GPRC5A: variants seen among roughly 807,000 people sequenced by gnomAD.
GPRC5A encodes the protein G protein-coupled receptor class C group 5 member A.
Under a neutral mutation model 22.5 loss-of-function variants are expected in GPRC5A, and 19 were observed. The ratio of observed to expected loss-of-function variants is 0.85; its 90% CI spans 0.59 to 1.24. The LOEUF (loss-of-function observed/expected upper bound fraction) is 1.24, where lower values mean the gene tolerates loss of function less well. Among genes scored for constraint, GPRC5A ranks in the 50% most tolerant of loss-of-function variants. GPRC5A has a pLI of 0.00. For synonymous variants in GPRC5A, 192 were observed against 184.5 expected, an observed-to-expected ratio of 1.04 and a Z score of -0.33; for missense variants, 471 against 451.1, an observed-to-expected ratio of 1.04 and a Z score of -0.40.
intron 2 of GPRC5A, among the ~76,000 whole-genome samples, chr12:12,911,720 C>A (rs1462566084): frequency 1.3e-5 from 2 of 152,102 alleles, no homozygotes; most frequent in Non-Finnish European, 2.9e-5. Context: ...GATCTCCTGA[C>A]CTTGTGATCT....
rs146929355 is a variant in GPRC5A at position 12,912,111 on chromosome 12, A to G, written c.950A>G (p.Tyr317Cys). Residue 317 changes from tyrosine to cysteine, a missense_variant, in exon 3 of 4, where the codon TAT becomes TGT. Coordinates refer to ENST00000014914, the MANE Select transcript of GPRC5A (RefSeq NM_003979.4). Reference sequence around the variant, plus strand: ...TTTGAAGAGACAGGGGACACGCTCTATGCCCCCTATTCCACACATTTTCAG... The same window carrying G: ...TTTGAAGAGACAGGGGACACGCTCTGTGCCCCCTATTCCACACATTTTCAG... ...QGFEETGDTL[Y>C]APYSTHFQLQ... is the part of the protein sequence containing the mutation. 3.8e-5 allele frequency: 62 copies of G among 1,613,002 alleles called. No individual in the cohort carries two copies. Among genetic ancestry groups the G allele is most frequent in the Non-Finnish European group, 4.6e-5 (54 of 1,179,096 alleles).
At position 12,912,654 on chromosome 12, in the gene GPRC5A, C is replaced by G. The variant is rs536257899; in HGVS notation, c.*115C>G. On this transcript the variant is annotated 3_prime_UTR_variant, in exon 4 of 4. Coordinates refer to ENST00000014914, the MANE Select transcript of GPRC5A (RefSeq NM_003979.4). ...AAAACTGTACAAGACACTACGGGAA[C>G]AGTTTGCCTCCCTCCCAGCCTCAAC... The G allele has an allele frequency of 4.5e-4, 310 of 681,678 alleles. 4 individuals are homozygous for G. The highest frequency in any genetic ancestry group is 3.8e-3 in the South Asian group (225 of 59,284). The allele number at this position is 681,678 out of a possible 1,614,324, so 42.2% of individuals were successfully genotyped here.
chr12:12,905,370 G>A, intron 1 of GPRC5A, among the ~76,000 whole-genome samples: 1 of 151,888 alleles, frequency 6.6e-6, no homozygotes, highest in East Asian at 1.9e-4. Context: ...TCTAACTCTG[G>A]CCTCTTTCCT....
At chr12:12,906,712 C>T (rs1565464694) in intron 1 of GPRC5A, among the ~76,000 whole-genome samples, 1 of 152,146 alleles carries the variant, frequency 6.6e-6, no homozygotes, top group Non-Finnish European at 1.5e-5. Context: ...TTATGACAGA[C>T]AAGACCCCTT....
At chr12:12,900,901 AAAAAAAAAAAAAC>A (rs1194671840) in intron 1 of GPRC5A, among the ~76,000 whole-genome samples, 4 of 132,492 alleles carry the variant, frequency 3.0e-5, no homozygotes, top group African/African-American at 1.3e-4. Flanking sequence ...CAAAAAAAAA[AAAAAAAAAAAAAC>A]AAAAAAAAAA....
chr12:12,892,789 T>G (rs575096543), intron 1 of GPRC5A, among the ~76,000 whole-genome samples: 69 of 152,336 alleles, frequency 4.5e-4, no homozygotes, highest in African/African-American at 1.6e-3. Context: ...CCTCAGAGGC[T>G]TGTGTAAACA....
At position 12,912,662 on chromosome 12, in the gene GPRC5A, C is replaced by G; in HGVS notation, c.*123C>G. ...ACAAGACACTACGGGAACAGTTTGC[C>G]TCCCTCCCAGCCTCAACCACAATTC... On this transcript the variant is annotated 3_prime_UTR_variant, in exon 4 of 4. Transcript: ENST00000014914. 1 of 660,536 alleles carries G rather than the reference C, an allele frequency of 1.5e-6. No homozygotes were observed. Among genetic ancestry groups the G allele is most frequent in the Non-Finnish European group, 2.7e-6 (1 of 368,050 alleles). The allele number at this position is 660,536 out of a possible 1,614,324, so 40.9% of individuals were successfully genotyped here.
In GPRC5A at chr12:12,908,241, A is replaced by T; in HGVS notation, c.-7-2A>T. The T allele has an allele frequency of 6.5e-7, 1 of 1,540,016 alleles. No homozygotes were observed. The highest frequency in any genetic ancestry group is 8.8e-7 in the Non-Finnish European group (1 of 1,140,080). On this transcript the variant is annotated splice_acceptor_variant, in intron 1 of 3. Transcript: ENST00000014914. LOFTEE classifies it low-confidence loss of function (5UTR_SPLICE). ...CCCCACTCCAACATTCCTTTTCTGC[A>T]GGTCCAGAATGGCTACAACAGTCCC...
At chr12:12,895,820 A>G (rs1454851934) in intron 1 of GPRC5A, among the ~76,000 whole-genome samples, 5 of 85,738 alleles carry the variant, frequency 5.8e-5, no homozygotes, top group Non-Finnish European at 1.3e-4. Context: ...TACTAAAAAT[A>G]CAAAAAAAAA....
chr12:12,893,512 A>G (rs1863786602), intron 1 of GPRC5A, among the ~76,000 whole-genome samples: 1 of 152,120 alleles, frequency 6.6e-6, no homozygotes, highest in South Asian at 2.1e-4. Context: ...TGCTTCTTTT[A>G]TTCTCATTTT....
Position 12,892,665 on chromosome 12 carries a change from C to G in GPRC5A, c.-8+1001C>G, listed in dbSNP as rs994144275. Among the ~76,000 whole-genome samples, 2 of 152,158 alleles carry G rather than the reference C, an allele frequency of 1.3e-5. 1 individual carries two copies. Among genetic ancestry groups the G allele is most frequent in the East Asian group, 3.9e-4 (2 of 5,186 alleles). ...TACAGGTGTGAGCCCCCGCGCCCGG[C>G]CACAGATAGCTTTAAACATCCATGG... On this transcript the variant is annotated intron_variant, in intron 1 of 3. Transcript: ENST00000014914.
At chr12:12,892,119 C>T (rs1863766686) in intron 1 of GPRC5A, 2 of 152,164 alleles carry the variant, frequency 1.3e-5, no homozygotes, top group African/African-American at 4.8e-5. Context: ...ACTATTTTAC[C>T]CAGATGCTGC....
intron 1 of GPRC5A, among the ~76,000 whole-genome samples, chr12:12,894,546 C>G (rs1863799621): frequency 6.6e-6 from 1 of 151,984 alleles, no homozygotes; most frequent in African/African-American, 2.4e-5. Flanking sequence ...GTAGCTGGGT[C>G]TACAGGCACC....
intron 1 of GPRC5A, among the ~76,000 whole-genome samples, chr12:12,901,526 G>A (rs770676033): frequency 1.3e-5 from 2 of 151,996 alleles, no homozygotes; most frequent in Non-Finnish European, 2.9e-5. Context: ...CACACCGAGC[G>A]CCATTCTCTT....
rs1592354623 is a variant in GPRC5A at position 12,916,726 on chromosome 12, T to C, written c.*4187T>C. 6.6e-6 allele frequency: 1 copy of C among 152,334 alleles called. No individual in the cohort carries two copies. 9.4% of individuals were successfully genotyped at this position (152,334 alleles called of 1,614,324 possible). On this transcript the variant is annotated 3_prime_UTR_variant, in exon 4 of 4. Transcript: ENST00000014914. ...TTACGGAGAGCGGTCTCATATGCTA[T>C]TGTTGTTAACGTGGACTAGTATTTA...
Position 12,909,039 on chromosome 12 carries a change from G to C in GPRC5A, c.790G>C (p.Glu264Gln), listed in dbSNP as rs768886342. ...GTTCCTGTTGGCTTATGTTAGTCCC[G>C]AGTTTTGGCTGCTCACAAAGCAACG... ...WVFLLAYVSPEFWLLTKQRNP... is the reference protein window; with the variant it reads ...WVFLLAYVSPQFWLLTKQRNP... Residue 264 changes from glutamate (E) to glutamine (Q), a missense_variant, in exon 2 of 4, where the codon GAG becomes CAG. Coordinates refer to ENST00000014914, the MANE Select transcript of GPRC5A (RefSeq NM_003979.4). 1.2e-6 allele frequency: 2 copies of C among 1,612,502 alleles called. No individual in the cohort carries two copies. Among genetic ancestry groups the C allele is most frequent in the South Asian group, 2.2e-5 (2 of 91,082 alleles).
rs114297061 is a variant in GPRC5A, at chr12:12,897,910, G to A, written c.-8+6246G>A. Among the ~76,000 whole-genome samples, 1,123 of 151,918 alleles carry A rather than the reference G, an allele frequency of 7.4e-3. 15 individuals carry two copies. Among genetic ancestry groups the A allele is most frequent in the African/African-American group, 0.026 (1,076 of 41,462 alleles). On this transcript the variant is annotated intron_variant, in intron 1 of 3. Coordinates refer to ENST00000014914, the MANE Select transcript of GPRC5A (RefSeq NM_003979.4). ...CAGGTGTGAGCCACTGCGCCCGGCC[G>A]ATAATTTCTTTTTAACCTCCTTTGC...
intron 1 of GPRC5A, among the ~76,000 whole-genome samples, chr12:12,899,217 T>C (rs1207536433): frequency 6.6e-6 from 1 of 152,130 alleles, no homozygotes; most frequent in African/African-American, 2.4e-5. Context: ...AATTTCTTTT[T>C]GTACAGCGGG....
intron 1 of GPRC5A, among the ~76,000 whole-genome samples, chr12:12,900,242 C>T (rs1565463373): frequency 6.6e-6 from 1 of 152,124 alleles, no homozygotes; most frequent in Non-Finnish European, 1.5e-5. Flanking sequence ...GTTTGTGGCA[C>T]ATACTCTTTT....
Sources: gnomAD v4.1 joint callset for allele counts (sites outside exome capture counted in the v4.1 genomes callset) on GRCh38, gnomAD v4.1.1 for gene constraint, MANE v1.5 for transcripts, NCBI Gene and HGNC (gene_info 2026-07-23, HGNC 2026-07-21) for gene names.